POLA1: variants seen among roughly 807,000 people sequenced by gnomAD.
The protein encoded by POLA1 is DNA polymerase alpha 1, catalytic subunit, also known as DNA polymerase alpha catalytic subunit.
In POLA1, 15 loss-of-function variants were observed where a neutral mutation model predicts 124.0. That is an observed-to-expected ratio of 0.12 (90% CI 0.08 to 0.19). POLA1 has a LOEUF of 0.19. Ranked by LOEUF, POLA1 falls within the 10% of genes least tolerant of loss-of-function variation. The probability of loss-of-function intolerance (pLI) is 1.00; values close to 1 mark genes in which losing one functional copy is unlikely to be tolerated. For missense variants in POLA1, 886 were observed against 1,103.4 expected (o/e 0.80, Z 2.79); for synonymous variants, 408 against 389.4 (o/e 1.05, Z -0.56).
intron 35 of POLA1, among the ~76,000 whole-genome samples, chrX:24,896,486 T>G (rs1414090786): frequency 9.9e-6 from 1 of 100,584 alleles, no homozygotes; most frequent in African/African-American, 5.0e-5. Context: ...TTTTGTTTTG[T>G]TTTTTTGCGA....
intron 4 of POLA1, among the ~76,000 whole-genome samples, chrX:24,710,292 C>A (rs1602259386): frequency 9.0e-6 from 1 of 111,724 alleles, no homozygotes; most frequent in African/African-American, 3.2e-5. Context: ...TCTCTTCCCC[C>A]AGAGCCTGAC....
At chrX:24,760,508 GCCTCGGCTGCC>G (rs1260008447) in intron 26 of POLA1, among the ~76,000 whole-genome samples, 1 of 111,909 alleles carries the variant, frequency 8.9e-6, no homozygotes, top group Non-Finnish European at 1.9e-5. Context: ...ACTTTTGGCA[GCCTCGGCTGCC>G]TGGTGGCTTT....
intron 32 of POLA1, among the ~76,000 whole-genome samples, chrX:24,828,304 G>T (rs966667525): frequency 1.4e-4 from 16 of 112,426 alleles, no homozygotes; most frequent in African/African-American, 5.2e-4. Context: ...AGGTATGTTG[G>T]ATTAACTCCA....
chrX:24,957,696 A>G (rs941264968), intron 36 of POLA1, among the ~76,000 whole-genome samples: 4 of 111,866 alleles, frequency 3.6e-5, no homozygotes, highest in African/African-American at 1.3e-4. Context: ...TGCAGGTAGA[A>G]AAGAGATACA....
intron 4 of POLA1, among the ~76,000 whole-genome samples, chrX:24,711,030 T>A (rs1286803249): frequency 8.9e-6 from 1 of 111,798 alleles, no homozygotes; most frequent in Non-Finnish European, 1.9e-5. Context: ...TCGTCCAGGA[T>A]GGAGTGCAGT....
intron 4 of POLA1, among the ~76,000 whole-genome samples, chrX:24,714,197 G>T (rs1306930803): frequency 9.0e-6 from 1 of 111,391 alleles, no homozygotes; most frequent in South Asian, 3.7e-4. Flanking sequence ...TTGCTCTGTC[G>T]CCCAGGCTGG....
chrX:24,814,943 G>A (rs754944403), intron 29 of POLA1, 36 bp from the exon 30 acceptor site: 13 of 1,102,644 alleles, frequency 1.2e-5, no homozygotes, highest in Non-Finnish European at 1.1e-5. Flanking sequence ...AAAATCAACT[G>A]CTGTCTTTGT....
At chrX:24,765,953 T>C (rs1321767467) in intron 26 of POLA1, among the ~76,000 whole-genome samples, 2 of 112,162 alleles carry the variant, frequency 1.8e-5, no homozygotes, top group Non-Finnish European at 3.8e-5. Flanking sequence ...TGGTATCTTA[T>C]CATTTTTCAG....
In POLA1 at chrX:24,857,361, AT is replaced by A. The variant is rs771810955; in HGVS notation, c.4047+13688del. On this transcript the variant is annotated intron_variant, in intron 34 of 36. Coordinates refer to ENST00000379068, the MANE Select transcript of POLA1 (RefSeq NM_001330360.2). ...AAGTCTTGTATAGTGCAATTCTTCC[AT>A]TTTATTTTTTTCAAAAATGTCTTAA... Among the ~76,000 whole-genome samples the A allele has an allele frequency of 6.3e-5, 7 of 110,984 alleles. No homozygotes were observed. The East Asian group carries it at 1.7e-3, about 27-fold the overall frequency.
chrX:24,811,241 C>CAATCCTCT (rs1327173965), intron 28 of POLA1, among the ~76,000 whole-genome samples: 3 of 106,866 alleles, frequency 2.8e-5, no homozygotes, highest in African/African-American at 1.0e-4. Context: ...CCACCATGCC[C>CAATCCTCT]AATCCTCTTT....
intron 35 of POLA1, among the ~76,000 whole-genome samples, chrX:24,927,258 G>A (rs146956042): frequency 3.6e-5 from 4 of 111,357 alleles, no homozygotes; most frequent in African/African-American, 9.8e-5. Context: ...AATGGATTCA[G>A]GACTATGTTT....
At chrX:24,781,356 C>T (rs1020251304) in intron 26 of POLA1, among the ~76,000 whole-genome samples, 5 of 111,333 alleles carry the variant, frequency 4.5e-5, no homozygotes, top group Admixed American at 3.8e-4. Flanking sequence ...AGGTTATCAA[C>T]GGTAAGAGGC....
At chrX:24,972,710 T>G (rs2048318221) in intron 36 of POLA1, among the ~76,000 whole-genome samples, 1 of 112,247 alleles carries the variant, frequency 8.9e-6, no homozygotes, top group South Asian at 3.7e-4. Context: ...TGTCACAGGT[T>G]TGCAGAATAC....
chrX:24,950,223 A>T (rs1485028038), intron 36 of POLA1, among the ~76,000 whole-genome samples: 1 of 112,177 alleles, frequency 8.9e-6, no homozygotes, highest in Non-Finnish European at 1.9e-5. Flanking sequence ...CAGATTGTTC[A>T]TCTAGAGTAA....
rs57038936 is a variant in POLA1, at chrX:24,951,343, A to ACCCCCC, written c.4261+20804_4261+20809dup. Among the ~76,000 whole-genome samples the ACCCCCC allele has an allele frequency of 3.4e-4, 14 of 40,950 alleles. 1 individual carries two copies. Among genetic ancestry groups the ACCCCCC allele is most frequent in the Admixed American group, 4.9e-4 (1 of 2,058 alleles). 35.6% of individuals were successfully genotyped at this position (40,950 alleles called of 115,157 possible). A position where few individuals can be genotyped will look rare whatever the true frequency, so the allele number is the denominator to read the frequency against. On this transcript the variant is annotated intron_variant, in intron 36 of 36. Coordinates refer to ENST00000379068, the MANE Select transcript of POLA1 (RefSeq NM_001330360.2). ...ACTCACTTTCTTTAAACACCTCCCT[A>ACCCCCC]CCCCCCCCCCCCCCCACCAAATGCA...
intron 19 of POLA1, among the ~76,000 whole-genome samples, chrX:24,738,073 C>T (rs1303001765): frequency 9.6e-6 from 1 of 103,981 alleles, no homozygotes; most frequent in Non-Finnish European, 1.9e-5. Context: ...ATTAGCCGGG[C>T]GCGGTGGCGG....
intron 35 of POLA1, among the ~76,000 whole-genome samples, chrX:24,924,766 T>G (rs1344035877): frequency 2.7e-5 from 3 of 111,677 alleles, no homozygotes; most frequent in Non-Finnish European, 5.7e-5. Context: ...ACCAGAAGGA[T>G]AGACCTGAAA....
intron 36 of POLA1, among the ~76,000 whole-genome samples, chrX:24,992,887 T>A (rs772244754): frequency 2.7e-4 from 31 of 112,772 alleles, no homozygotes; most frequent in Middle Eastern, 9.2e-3. Flanking sequence ...AATGTAACTT[T>A]CATTATTTTG....
At chrX:24,849,655 G>A (rs2046526215) in intron 34 of POLA1, among the ~76,000 whole-genome samples, 1 of 100,390 alleles carries the variant, frequency 1.0e-5, no homozygotes, top group Admixed American at 1.1e-4. Flanking sequence ...TTTTCGAGAC[G>A]GAGTCTTGCT....
Sources: gnomAD v4.1 joint callset for allele counts (sites outside exome capture counted in the v4.1 genomes callset) on GRCh38, gnomAD v4.1.1 for gene constraint, MANE v1.5 for transcripts, NCBI Gene and HGNC (gene_info 2026-07-23, HGNC 2026-07-21) for gene names.